JARID2: variants seen among roughly 807,000 people sequenced by gnomAD.
JARID2 encodes the protein jumonji and AT-rich interaction domain containing 2.
In JARID2, 21 loss-of-function variants were observed where a neutral mutation model predicts 125.6. That is an observed-to-expected ratio of 0.17 (90% CI 0.12 to 0.24). The LOEUF is 0.24. JARID2 is among the 10% of genes least tolerant of loss of function. The probability of loss-of-function intolerance (pLI) is 1.00; values close to 1 mark genes in which losing one functional copy is unlikely to be tolerated. For synonymous variants in JARID2, 736 were observed against 661.6 expected (o/e 1.11, Z -1.73); for missense variants, 1,303 against 1,639.6 (o/e 0.79, Z 3.55).
At chr6:15,467,319 A>C (rs1213650063) in intron 4 of JARID2, among the ~76,000 whole-genome samples, 1 of 152,206 alleles carries the variant, frequency 6.6e-6, no homozygotes, top group Non-Finnish European at 1.5e-5. Context: ...TTGGTGATCT[A>C]TCTCTTCGGT....
At chr6:15,273,440 G>A (rs1418295002) in intron 1 of JARID2, among the ~76,000 whole-genome samples, 1 of 152,210 alleles carries the variant, frequency 6.6e-6, no homozygotes, top group Non-Finnish European at 1.5e-5. Context: ...GGTGGCTCAC[G>A]CCTGTAATCC....
At chr6:15,288,209 C>T (rs999842103) in intron 1 of JARID2, among the ~76,000 whole-genome samples, 1 of 151,758 alleles carries the variant, frequency 6.6e-6, no homozygotes, top group African/African-American at 2.4e-5. Context: ...GTACACAAAA[C>T]ATGGCTGCTT....
chr6:15,413,589 GTTGT>G (rs957187634), intron 3 of JARID2, among the ~76,000 whole-genome samples: 10 of 152,154 alleles, frequency 6.6e-5, no homozygotes, highest in African/African-American at 2.2e-4. Context: ...CTCGGTTTTT[GTTGT>G]TTGTTTTTCT....
At chr6:15,438,365 T>A (rs1487690823) in intron 3 of JARID2, among the ~76,000 whole-genome samples, 1 of 152,220 alleles carries the variant, frequency 6.6e-6, no homozygotes, top group Non-Finnish European at 1.5e-5. Flanking sequence ...CACATCTTTA[T>A]GAACATGATT....
chr6:15,294,169 C>T (rs1761324088), intron 1 of JARID2, among the ~76,000 whole-genome samples: 1 of 152,112 alleles, frequency 6.6e-6, no homozygotes. Flanking sequence ...AGGTTAGGTG[C>T]ACCCCAGAGG....
At chr6:15,252,412 G>C (rs925124509) in intron 1 of JARID2, among the ~76,000 whole-genome samples, 2 of 152,034 alleles carry the variant, frequency 1.3e-5, no homozygotes, top group Non-Finnish European at 2.9e-5. Flanking sequence ...ACTGTGTTTA[G>C]CCTTAATCCC....
At chr6:15,453,934 A>T (rs935330552) in intron 4 of JARID2, among the ~76,000 whole-genome samples, 1 of 152,148 alleles carries the variant, frequency 6.6e-6, no homozygotes, top group Non-Finnish European at 1.5e-5. Flanking sequence ...GGCACTAGGG[A>T]TGCTGGGAAC....
intron 6 of JARID2, among the ~76,000 whole-genome samples, chr6:15,495,762 G>C (rs1454372715): frequency 6.6e-6 from 1 of 152,180 alleles, no homozygotes; most frequent in Non-Finnish European, 1.5e-5. Flanking sequence ...ACTCTGAGAA[G>C]CTCAGGACAG....
At chr6:15,433,921 GGTGTGT>G (rs146025914) in intron 3 of JARID2, among the ~76,000 whole-genome samples, 7,925 of 131,238 alleles carry the variant, frequency 0.06, 239 homozygotes, top group Admixed American at 0.082. Flanking sequence ...CACTCTCCAG[GGTGTGT>G]GTGTGTGTGT....
At chr6:15,394,444 T>G (rs551616527) in intron 2 of JARID2, among the ~76,000 whole-genome samples, 1 of 151,950 alleles carries the variant, frequency 6.6e-6, no homozygotes, top group Non-Finnish European at 1.5e-5. Flanking sequence ...ACAAAAAATA[T>G]AAAAAATTAG....
chr6:15,282,922 T>G (rs937223844), intron 1 of JARID2, among the ~76,000 whole-genome samples: 2 of 150,654 alleles, frequency 1.3e-5, no homozygotes, highest in South Asian at 4.2e-4. Flanking sequence ...CTTTTTCTTA[T>G]GACTTTTTGT....
At chr6:15,503,429 G>A (rs990026615) in intron 8 of JARID2, among the ~76,000 whole-genome samples, 1 of 152,228 alleles carries the variant, frequency 6.6e-6, no homozygotes, top group East Asian at 1.9e-4. Flanking sequence ...CTACGACTGT[G>A]GACCCAATGG....
intron 2 of JARID2, among the ~76,000 whole-genome samples, chr6:15,386,465 T>C (rs985843430): frequency 5.3e-5 from 8 of 152,114 alleles, no homozygotes; most frequent in East Asian, 3.9e-4. Flanking sequence ...GGTTCCTCCT[T>C]CTCCCTTCAG....
chr6:15,255,932 G>A (rs1378540909), intron 1 of JARID2, among the ~76,000 whole-genome samples: 1 of 152,164 alleles, frequency 6.6e-6, no homozygotes, highest in Non-Finnish European at 1.5e-5. Flanking sequence ...GGACAAGGTT[G>A]GGAATGTGAG....
intron 2 of JARID2, among the ~76,000 whole-genome samples, chr6:15,391,421 A>G (rs1341787664): frequency 6.6e-6 from 1 of 152,136 alleles, no homozygotes; most frequent in East Asian, 1.9e-4. Context: ...CATGTAATGG[A>G]GGCTAGATCT....
chr6:15,279,837 C>T (rs1403748180), intron 1 of JARID2, among the ~76,000 whole-genome samples: 4 of 152,154 alleles, frequency 2.6e-5, no homozygotes, highest in Admixed American at 2.6e-4. Context: ...ACCTAAGACC[C>T]TTCATTAAAT....
At chr6:15,394,614 A>G (rs936943137) in intron 2 of JARID2, among the ~76,000 whole-genome samples, 3 of 151,094 alleles carry the variant, frequency 2.0e-5, no homozygotes, top group African/African-American at 7.2e-5. Context: ...AAAACAAAAG[A>G]TGAACAAGAC....
intron 1 of JARID2, among the ~76,000 whole-genome samples, chr6:15,334,189 G>A (rs1277244060): frequency 6.6e-6 from 1 of 152,084 alleles, no homozygotes; most frequent in Non-Finnish European, 1.5e-5. Context: ...AAACTGTGTT[G>A]CTTAATTACA....
intron 5 of JARID2, among the ~76,000 whole-genome samples, chr6:15,479,721 C>T (rs186515716): frequency 2.6e-5 from 4 of 152,302 alleles, no homozygotes; most frequent in South Asian, 2.1e-4. Flanking sequence ...CCCAGGTTGA[C>T]GTTTGTTCCC....
Sources: allele counts gnomAD v4.1 joint callset (sites outside exome capture counted in the v4.1 genomes callset), GRCh38; gene constraint gnomAD v4.1.1; transcripts MANE v1.5; gene names NCBI Gene and HGNC (gene_info 2026-07-23, HGNC 2026-07-21).